SLC12A1: variants seen among roughly 807,000 people sequenced by gnomAD.
SLC12A1 encodes the protein Na-K-2Cl cotransporter.
A neutral mutation model predicts 130.4 loss-of-function variants in SLC12A1; 89 were observed. That is an observed-to-expected ratio of 0.68 (90% CI 0.58 to 0.81). SLC12A1 has a LOEUF of 0.81. Among genes scored for constraint, SLC12A1 ranks in the 40% least tolerant of loss-of-function variants. The probability of loss-of-function intolerance (pLI) is 0.00; values close to 1 mark genes in which losing one functional copy is unlikely to be tolerated. For missense variants in SLC12A1, 1,310 were observed against 1,336.4 expected (o/e 0.98, Z 0.31); for synonymous variants, 499 against 460.0 (o/e 1.08, Z -1.09).
chr15:48,219,972 G>A (rs760656350), intron 2 of SLC12A1, among the ~76,000 whole-genome samples: 5 of 151,834 alleles, frequency 3.3e-5, no homozygotes, highest in Non-Finnish European at 5.9e-5. Context: ...AGCTGAGTGT[G>A]GTGGTGTGTG....
At chr15:48,245,450 T>C (rs1297886681) in intron 11 of SLC12A1, among the ~76,000 whole-genome samples, 1 of 152,148 alleles carries the variant, frequency 6.6e-6, no homozygotes, top group Non-Finnish European at 1.5e-5. Context: ...GCCCCCAGTG[T>C]CCCTTGTTGC....
intron 24 of SLC12A1, among the ~76,000 whole-genome samples, chr15:48,294,771 C>A (rs568418598): frequency 6.6e-6 from 1 of 152,146 alleles, no homozygotes; most frequent in Non-Finnish European, 1.5e-5. Flanking sequence ...GCATAGCTGG[C>A]CAGTGCTCTG....
chr15:48,254,196 G>A (rs1469684659), intron 15 of SLC12A1, among the ~76,000 whole-genome samples: 2 of 146,038 alleles, frequency 1.4e-5, no homozygotes, highest in African/African-American at 2.7e-5. Flanking sequence ...CTGATCTAAG[G>A]TATCTTTTTC....
At chr15:48,275,313 C>A (rs1384530558) in intron 20 of SLC12A1, among the ~76,000 whole-genome samples, 1 of 152,178 alleles carries the variant, frequency 6.6e-6, no homozygotes, top group Non-Finnish European at 1.5e-5. Flanking sequence ...ACTTACAACA[C>A]AACATTAAGA....
intron 1 of SLC12A1, among the ~76,000 whole-genome samples, chr15:48,207,146 ATAC>A (rs1201693802): frequency 6.6e-6 from 1 of 152,214 alleles, no homozygotes; most frequent in Non-Finnish European, 1.5e-5. Context: ...AACAATCAAA[ATAC>A]TTTGCAGTTT....
chr15:48,225,555 T>G (rs933660468), intron 4 of SLC12A1: 1 of 152,084 alleles, frequency 6.6e-6, no homozygotes, highest in African/African-American at 2.4e-5. Flanking sequence ...AGCAAGACTG[T>G]CTCTAAAAAT....
chr15:48,285,773 C>T (rs1381844995), intron 21 of SLC12A1, among the ~76,000 whole-genome samples: 1 of 152,198 alleles, frequency 6.6e-6, no homozygotes, highest in Non-Finnish European at 1.5e-5. Context: ...AAATGCTACA[C>T]TTATATGTGG....
intron 9 of SLC12A1, chr15:48,237,234 G>A: frequency 5.5e-6 from 3 of 549,820 alleles, no homozygotes. Context: ...ATTTGAAACA[G>A]AAGGAATGGG....
At chr15:48,236,516 G>C (rs2041441649) in intron 9 of SLC12A1, among the ~76,000 whole-genome samples, 1 of 152,216 alleles carries the variant, frequency 6.6e-6, no homozygotes, top group Non-Finnish European at 1.5e-5. Flanking sequence ...AGAGGGACTT[G>C]AGCCAGAGGT....
Position 48,207,851 on chromosome 15 carries a change from T to C in SLC12A1, c.132T>C (p.His44=). ...CAGATGACAATACTGACCCACCACA[T>C]TATGAAGAAACCTCTTTTGGGGATG... ...AAADDNTDPP[H]YEETSFGDEA... is the part of the protein sequence containing the mutation. Residue 44 remains histidine, a synonymous_variant, in exon 2 of 27, where the codon CAT becomes CAC. Coordinates refer to ENST00000380993, the MANE Select transcript of SLC12A1 (RefSeq NM_000338.3). 6.2e-7 allele frequency: 1 copy of C among 1,613,950 alleles called. No individual in the cohort carries two copies. The highest frequency in any genetic ancestry group is 2.2e-5 in the East Asian group (1 of 44,882).
chr15:48,260,694 G>T (rs1319309680), intron 17 of SLC12A1, among the ~76,000 whole-genome samples: 1 of 152,110 alleles, frequency 6.6e-6, no homozygotes, highest in Non-Finnish European at 1.5e-5. Flanking sequence ...GCATCCTTGG[G>T]AGTACTATTG....
intron 8 of SLC12A1, 89 bp from the exon 9 acceptor site, chr15:48,234,788 C>G: frequency 1.6e-6 from 2 of 1,264,546 alleles, no homozygotes; most frequent in South Asian, 2.5e-5. Context: ...AATGTATTTT[C>G]ATTTAGGACT....
chr15:48,238,485 C>A (rs2041464854), intron 9 of SLC12A1, among the ~76,000 whole-genome samples: 9 of 152,034 alleles, frequency 5.9e-5, no homozygotes, highest in Admixed American at 5.9e-4. Context: ...AAAAAAGAGA[C>A]AGAGCTAAGA....
chr15:48,284,114 C>T (rs2042034329), intron 20 of SLC12A1, among the ~76,000 whole-genome samples: 1 of 152,230 alleles, frequency 6.6e-6, no homozygotes, highest in Non-Finnish European at 1.5e-5. Context: ...CTGTTCCAGA[C>T]TAAAACATGT....
chr15:48,295,881 A>G (rs763121831), intron 24 of SLC12A1, among the ~76,000 whole-genome samples: 14 of 152,212 alleles, frequency 9.2e-5, no homozygotes, highest in Non-Finnish European at 1.6e-4. Context: ...GGCTGTTCCA[A>G]TACCTGAAAG....
intron 9 of SLC12A1, chr15:48,235,319 T>A: frequency 3.1e-6 from 1 of 322,454 alleles, no homozygotes; most frequent in South Asian, 4.1e-5. Context: ...TAAACCCAAA[T>A]GAATAGGAAT....
chr15:48,223,597 G>GT (rs1479391315), intron 4 of SLC12A1: 1 of 152,294 alleles, frequency 6.6e-6, no homozygotes, highest in Non-Finnish European at 1.5e-5. Flanking sequence ...AAATAATAAG[G>GT]TTGGAGTAGG....
chr15:48,287,521 T>C (rs2042072594), intron 21 of SLC12A1, among the ~76,000 whole-genome samples: 1 of 152,210 alleles, frequency 6.6e-6, no homozygotes, highest in African/African-American at 2.4e-5. Context: ...CCTGGCAAAT[T>C]TTATAAACCA....
chr15:48,302,384 G>T (rs1316382036), intron 26 of SLC12A1, among the ~76,000 whole-genome samples: 1 of 151,870 alleles, frequency 6.6e-6, no homozygotes, highest in African/African-American at 2.4e-5. Context: ...ACTTTGGGAG[G>T]CCGAGGCGGG....
Sources: gnomAD v4.1 joint callset for allele counts (sites outside exome capture counted in the v4.1 genomes callset) on GRCh38, gnomAD v4.1.1 for gene constraint, MANE v1.5 for transcripts, NCBI Gene and HGNC (gene_info 2026-07-23, HGNC 2026-07-21) for gene names.